The following SOX5 variants were observed in gnomAD, a reference collection of about 807,000 sequenced individuals.
The protein encoded by SOX5 is SRY-box transcription factor 5, also known as transcription factor SOX-5.
In SOX5, 9 loss-of-function variants were observed where a neutral mutation model predicts 92.0. That is an observed-to-expected ratio of 0.10 (90% CI 0.06 to 0.17). The LOEUF (loss-of-function observed/expected upper bound fraction) is 0.17, where lower values mean the gene tolerates loss of function less well. SOX5 is among the 10% of genes least tolerant of loss of function. The pLI, the probability that SOX5 is intolerant of heterozygous loss-of-function variation, is 1.00. For missense variants in SOX5, 642 were observed against 944.5 expected, an observed-to-expected ratio of 0.68 and a Z score of 4.20; for synonymous variants, 344 against 336.3, an observed-to-expected ratio of 1.02 and a Z score of -0.25.
At chr12:23,567,574 C>T (rs778361756) in intron 10 of SOX5, among the ~76,000 whole-genome samples, 1 of 150,008 alleles carries the variant, frequency 6.7e-6, no homozygotes, top group Non-Finnish European at 1.5e-5. Context: ...AATCATTCTG[C>T]CTCAGCCTCC....
At chr12:24,333,186 C>T (rs1473451735) in intron 2 of SOX5, among the ~76,000 whole-genome samples, 2 of 151,862 alleles carry the variant, frequency 1.3e-5, no homozygotes, top group Non-Finnish European at 2.9e-5. Flanking sequence ...AGAAAGCTAC[C>T]ATATTCATAT....
At chr12:24,509,840 A>G (rs1949142376) in intron 1 of SOX5, among the ~76,000 whole-genome samples, 1 of 152,220 alleles carries the variant, frequency 6.6e-6, no homozygotes, top group African/African-American at 2.4e-5. Context: ...GCCACACAAA[A>G]TATTTAAATA....
In SOX5 at chr12:24,262,599, C is replaced by T. The variant is rs535100232; in HGVS notation, c.-77+14617G>A. On this transcript the variant is annotated intron_variant, in intron 3 of 4. Coordinates refer to the SOX5 transcript ENST00000446891. ...ACCCCATCTTGAGACAACTGGCATT[C>T]CTAATATGGACAGCTTCTTGATGCA... is the stretch of plus-strand genomic sequence containing the variant. Among the ~76,000 whole-genome samples the T allele has an allele frequency of 1.2e-4, 18 of 152,262 alleles. 1 individual carries two copies. The South Asian group carries it at 3.1e-3, about 26-fold the overall frequency.
rs12303354 is a variant in SOX5 at position 24,387,929 on chromosome 12, C to G, written c.-250-19290G>C. Among the ~76,000 whole-genome samples, 513 of 152,278 alleles carry G rather than the reference C, an allele frequency of 3.4e-3. 4 individuals are homozygous for G. The highest frequency in any genetic ancestry group is 0.012 in the African/African-American group (491 of 41,560). On this transcript the variant is annotated intron_variant, in intron 1 of 4. Transcript: ENST00000446891. ...AATATTCCCTCTGCTTTCTCACTCT[C>G]CCCATCAAAATGCACCCACTTAATG...
rs116171732 is a variant in SOX5, at chr12:23,563,713, G to A, written c.1343-310C>T. Among the ~76,000 whole-genome samples the A allele has an allele frequency of 8.2e-3, 1,248 of 152,066 alleles. 18 individuals carry two copies. Among genetic ancestry groups the A allele is most frequent in the African/African-American group, 0.028 (1,177 of 41,480 alleles). ...TAAGTAAATGCTTTAGTTATTATTC[G>A]AATATTATTTTGTAGTGCAAATATA... is the stretch of plus-strand genomic sequence containing the variant. On this transcript the variant is annotated intron_variant, in intron 10 of 14. Transcript: ENST00000451604.
chr12:24,268,465 G>T (rs570975408), intron 3 of SOX5, among the ~76,000 whole-genome samples: 34 of 151,976 alleles, frequency 2.2e-4, no homozygotes, highest in Non-Finnish European at 4.4e-4. Context: ...TGTACAATAA[G>T]AAACAATTTA....
At chr12:23,912,240 A>G (rs752038362) in intron 1 of SOX5, among the ~76,000 whole-genome samples, 6 of 152,184 alleles carry the variant, frequency 3.9e-5, no homozygotes, top group Admixed American at 6.5e-5. Flanking sequence ...CAGTAAGCAC[A>G]TAAGAAGATG....
At chr12:23,936,251 C>G (rs1328973336) in intron 1 of SOX5, among the ~76,000 whole-genome samples, 1 of 150,938 alleles carries the variant, frequency 6.6e-6, no homozygotes, top group African/African-American at 2.4e-5. Flanking sequence ...TATTCTTACC[C>G]CTCCACAAAC....
At chr12:23,811,156 G>A (rs1181765276) in intron 3 of SOX5, among the ~76,000 whole-genome samples, 1 of 152,080 alleles carries the variant, frequency 6.6e-6, no homozygotes. Context: ...TCTGAAAGCA[G>A]AAGTGTTCAT....
At chr12:24,203,306 G>T (rs1594224848) in intron 4 of SOX5, among the ~76,000 whole-genome samples, 1 of 152,152 alleles carries the variant, frequency 6.6e-6, no homozygotes, top group Non-Finnish European at 1.5e-5. Flanking sequence ...ACCAAAAGAT[G>T]TTCCAGACTT....
chr12:23,581,850 TA>T (rs555577549), intron 9 of SOX5, among the ~76,000 whole-genome samples: 1 of 151,878 alleles, frequency 6.6e-6, no homozygotes, highest in African/African-American at 2.4e-5. Flanking sequence ...GTTTCATTTA[TA>T]AAAACACTTT....
At position 24,560,903 on chromosome 12, in the gene SOX5, T is replaced by C. The variant is rs1954270597; in HGVS notation, c.-251+1426A>G. 2.0e-5 allele frequency among the ~76,000 whole-genome samples: 3 copies of C among 152,200 alleles called. No individual in the cohort carries two copies. The South Asian group carries it at 6.2e-4, about 32-fold the overall frequency. On this transcript the variant is annotated intron_variant, in intron 1 of 4. Transcript: ENST00000446891. ...TGCCTACTTCATTGGCCTGTTTGTGTCTGTGTGTGTGTTTTCAGGGTACTA... is the reference window on the plus strand; with the variant it reads ...TGCCTACTTCATTGGCCTGTTTGTGCCTGTGTGTGTGTTTTCAGGGTACTA...
intron 8 of SOX5, among the ~76,000 whole-genome samples, chr12:23,615,787 C>T (rs1280549303): frequency 2.0e-5 from 3 of 151,930 alleles, no homozygotes; most frequent in African/African-American, 7.3e-5. Context: ...TATTTATATC[C>T]CGTAATGTAT....
At chr12:24,215,082 A>G (rs12809777) in intron 3 of SOX5, among the ~76,000 whole-genome samples, 4,805 of 152,230 alleles carry the variant, frequency 0.032, 87 homozygotes, top group Middle Eastern at 0.061. Context: ...AACATTAAAC[A>G]AACTAGCAAT....
intron 2 of SOX5, among the ~76,000 whole-genome samples, chr12:24,335,565 T>C (rs747195119): frequency 1.3e-5 from 2 of 152,124 alleles, no homozygotes; most frequent in East Asian, 1.9e-4. Flanking sequence ...ACAAAGAAAT[T>C]TGAACCCAGA....
In SOX5 at chr12:23,532,138, C is replaced by T. The variant is rs1939223280; in HGVS notation, c.*2081G>A. ...ATTATTATTATTATTTTATCATCAT[C>T]ATCATTACAACACTAGCAAAAAGAG... is the stretch of plus-strand genomic sequence containing the variant. On this transcript the variant is annotated 3_prime_UTR_variant, in exon 15 of 15. Coordinates refer to ENST00000451604, the MANE Select transcript of SOX5 (RefSeq NM_006940.6). The T allele has an allele frequency of 6.6e-6, 1 of 151,360 alleles. No homozygotes were observed. The highest frequency in any genetic ancestry group is 2.4e-5 in the African/African-American group (1 of 41,228). The allele number at this position is 151,360 out of a possible 1,614,324, so 9.4% of individuals were successfully genotyped here.
chr12:23,838,546 C>T (rs2096464923), intron 3 of SOX5, among the ~76,000 whole-genome samples: 2 of 151,910 alleles, frequency 1.3e-5, no homozygotes, highest in Admixed American at 6.6e-5. Context: ...TAGATGCTTG[C>T]TTTGTGCAAT....
intron 1 of SOX5, among the ~76,000 whole-genome samples, chr12:24,553,060 A>G (rs1953367543): frequency 6.6e-6 from 1 of 152,156 alleles, no homozygotes; most frequent in Non-Finnish European, 1.5e-5. Context: ...TAAAAACAAG[A>G]AAGAGATCAC....
chr12:24,158,388 C>T (rs891580032), intron 4 of SOX5, among the ~76,000 whole-genome samples: 65 of 151,854 alleles, frequency 4.3e-4, no homozygotes, highest in Non-Finnish European at 8.0e-4. Flanking sequence ...ATTATTGCTG[C>T]TCAGGAGGTC....
Sources: allele counts gnomAD v4.1 joint callset (sites outside exome capture counted in the v4.1 genomes callset), GRCh38; gene constraint gnomAD v4.1.1; transcripts MANE v1.5; gene names NCBI Gene and HGNC (gene_info 2026-07-23, HGNC 2026-07-21).